The following FOXJ3 variants were observed in gnomAD, a reference collection of about 807,000 sequenced individuals.
The protein encoded by FOXJ3 is forkhead box J3.
A neutral mutation model predicts 76.1 loss-of-function variants in FOXJ3; 22 were observed. The observed-to-expected ratio is 0.29, with a 90% CI of 0.21 to 0.41. FOXJ3 has a LOEUF of 0.41. Among genes scored for constraint, FOXJ3 ranks in the 10% least tolerant of loss-of-function variants. FOXJ3 has a pLI of 1.00. For synonymous variants in FOXJ3, 269 were observed against 261.2 expected (o/e 1.03, Z -0.29); for missense variants, 613 against 762.1 (o/e 0.80, Z 2.30).
chr1:42,267,903 T>C lies in FOXJ3; in HGVS notation c.370-2714A>G, dbSNP rs565975687. ...GGAAAGGCTCAGAGAATTTTGAGGG[T>C]AGAGTAACAGAAATTTCCAAACAGA... On this transcript the variant is annotated intron_variant, in intron 3 of 12. Coordinates refer to ENST00000361346, the MANE Select transcript of FOXJ3 (RefSeq NM_014947.5). 6.6e-5 allele frequency among the ~76,000 whole-genome samples: 10 copies of C among 151,648 alleles called. No homozygotes were observed. The South Asian group carries it at 1.5e-3, about 22-fold the overall frequency.
intron 2 of FOXJ3, among the ~76,000 whole-genome samples, chr1:42,285,808 G>A (rs1653017522): frequency 6.6e-6 from 1 of 152,218 alleles, no homozygotes; most frequent in Admixed American, 6.5e-5. Flanking sequence ...TGACTACTGA[G>A]TTTCCCATTA....
chr1:42,290,886 T>C (rs1653372753), intron 2 of FOXJ3, among the ~76,000 whole-genome samples: 1 of 152,168 alleles, frequency 6.6e-6, no homozygotes, highest in African/African-American at 2.4e-5. Flanking sequence ...AGATATGGGA[T>C]ATCAGGCTCT....
rs1241418859 is a variant in FOXJ3, at chr1:42,178,385, A to C, written c.*1325T>G. The C allele has an allele frequency of 6.6e-6, 1 of 152,264 alleles. No individual in the cohort carries two copies. Among genetic ancestry groups the C allele is most frequent in the Non-Finnish European group, 1.5e-5 (1 of 68,036 alleles). The allele number at this position is 152,264 out of a possible 1,614,324, so 9.4% of individuals were successfully genotyped here. ...CCGATTTAACTAATAAGTCTGAATC[A>C]GCAAGAATGCCAAGACAGAGAAATC... On this transcript the variant is annotated 3_prime_UTR_variant, in exon 13 of 13. Coordinates refer to ENST00000361346, the MANE Select transcript of FOXJ3 (RefSeq NM_014947.5).
At chr1:42,265,925 A>C (rs553507489) in intron 3 of FOXJ3, among the ~76,000 whole-genome samples, 16 of 152,238 alleles carry the variant, frequency 1.1e-4, no homozygotes, top group Admixed American at 3.9e-4. Context: ...GTGAAAAAGA[A>C]ATTTGTTCAT....
intron 1 of FOXJ3, among the ~76,000 whole-genome samples, chr1:42,328,819 ACCATG>A: frequency 6.6e-6 from 1 of 151,688 alleles, no homozygotes; most frequent in South Asian, 2.1e-4. Context: ...GGAACCCACA[ACCATG>A]CCCAGCTTAT....
chr1:42,179,499 C>T lies in FOXJ3; in HGVS notation c.*211G>A. 2.6e-6 allele frequency: 1 copy of T among 379,374 alleles called. No individual in the cohort carries two copies. The highest frequency in any genetic ancestry group is 4.1e-5 in the Admixed American group (1 of 24,542). 23.5% of individuals were successfully genotyped at this position (379,374 alleles called of 1,614,324 possible). On this transcript the variant is annotated 3_prime_UTR_variant, in exon 13 of 13. Transcript: ENST00000361346. Reference sequence around the variant, plus strand: ...AACAGTTAGGAGCTACATAGGGCAGCTGGCAGGGAGACAAACATGTAGTAC... The same window carrying T: ...AACAGTTAGGAGCTACATAGGGCAGTTGGCAGGGAGACAAACATGTAGTAC...
intron 5 of FOXJ3, among the ~76,000 whole-genome samples, chr1:42,219,829 G>A (rs943453154): frequency 6.6e-5 from 10 of 152,168 alleles, no homozygotes; most frequent in Non-Finnish European, 1.3e-4. Flanking sequence ...AAACAGTTGA[G>A]GATAGCTTGA....
At chr1:42,308,742 C>T (rs1173837195) in intron 2 of FOXJ3, among the ~76,000 whole-genome samples, 1 of 152,214 alleles carries the variant, frequency 6.6e-6, no homozygotes, top group Non-Finnish European at 1.5e-5. Context: ...AGAGGAATTA[C>T]AACACAATGA....
intron 4 of FOXJ3, among the ~76,000 whole-genome samples, chr1:42,232,718 C>T (rs563176717): frequency 7.6e-4 from 115 of 152,238 alleles, no homozygotes; most frequent in East Asian, 1.9e-3. Context: ...GAGTAGATTG[C>T]AAAAATTTTC....
At chr1:42,328,545 G>A (rs914450265) in intron 1 of FOXJ3, among the ~76,000 whole-genome samples, 4 of 152,004 alleles carry the variant, frequency 2.6e-5, no homozygotes, top group Non-Finnish European at 5.9e-5. Context: ...TTAGATTTAG[G>A]GTAAAAATTC....
At chr1:42,232,347 G>T (rs928891450) in intron 4 of FOXJ3, among the ~76,000 whole-genome samples, 4 of 147,098 alleles carry the variant, frequency 2.7e-5, no homozygotes, top group African/African-American at 1.0e-4. Context: ...GGTATTTCTA[G>T]TTCTAGATCC....
At chr1:42,290,084 AAG>A (rs1653320968) in intron 2 of FOXJ3, among the ~76,000 whole-genome samples, 7 of 152,104 alleles carry the variant, frequency 4.6e-5, no homozygotes, top group Non-Finnish European at 8.8e-5. Flanking sequence ...TTTAAGGAAA[AAG>A]TTCCTATGCT....
At chr1:42,235,836 G>A (rs1648582686) in intron 4 of FOXJ3, among the ~76,000 whole-genome samples, 1 of 152,160 alleles carries the variant, frequency 6.6e-6, no homozygotes, top group Non-Finnish European at 1.5e-5. Flanking sequence ...ACAGGTGTGA[G>A]CCACTGCACC....
intron 4 of FOXJ3, among the ~76,000 whole-genome samples, chr1:42,240,686 TCACAC>T (rs1649064118): frequency 6.6e-6 from 1 of 152,228 alleles, no homozygotes; most frequent in Admixed American, 6.5e-5. Context: ...GTCTCCTAAC[TCACAC>T]CACACGTAAA....
intron 4 of FOXJ3, among the ~76,000 whole-genome samples, chr1:42,241,498 T>C (rs1221987812): frequency 6.6e-6 from 1 of 152,158 alleles, no homozygotes. Context: ...CAAAGCACAC[T>C]GCCTAGGGGA....
intron 5 of FOXJ3, among the ~76,000 whole-genome samples, chr1:42,215,096 C>T (rs1282674558): frequency 6.6e-6 from 1 of 152,104 alleles, no homozygotes; most frequent in Admixed American, 6.6e-5. Context: ...TCCAAAATTA[C>T]CTGGCACACA....
At chr1:42,236,612 C>T (rs578170911) in intron 4 of FOXJ3, among the ~76,000 whole-genome samples, 1 of 152,218 alleles carries the variant, frequency 6.6e-6, no homozygotes, top group Non-Finnish European at 1.5e-5. Flanking sequence ...GTAACTAACA[C>T]TAAAAATACA....
chr1:42,272,401 G>T (rs532171707), intron 3 of FOXJ3, among the ~76,000 whole-genome samples: 1 of 152,170 alleles, frequency 6.6e-6, no homozygotes, highest in Non-Finnish European at 1.5e-5. Context: ...GTCTCCACTC[G>T]AAGTGTTCAA....
intron 11 of FOXJ3, among the ~76,000 whole-genome samples, chr1:42,183,570 T>C (rs1338966373): frequency 1.3e-5 from 2 of 152,006 alleles, no homozygotes; most frequent in African/African-American, 4.8e-5. Context: ...GCGGTTCACA[T>C]TGTAAGGAAC....
Sources: allele counts gnomAD v4.1 joint callset (sites outside exome capture counted in the v4.1 genomes callset), GRCh38; gene constraint gnomAD v4.1.1; transcripts MANE v1.5; gene names NCBI Gene and HGNC (gene_info 2026-07-23, HGNC 2026-07-21).